The following TRAK2 variants were observed in gnomAD, a reference collection of about 807,000 sequenced individuals.
TRAK2 encodes trafficking kinesin-binding protein 2.
In TRAK2, 81 loss-of-function variants were observed where a neutral mutation model predicts 104.6. That is an observed-to-expected ratio of 0.77 (90% CI 0.65 to 0.93). The LOEUF (loss-of-function observed/expected upper bound fraction) is 0.93. Ranked by LOEUF, TRAK2 falls within the 40% of genes least tolerant of loss-of-function variation. TRAK2 has a pLI of 0.00. For missense variants in TRAK2, 1,002 were observed against 1,089.0 expected (o/e 0.92, Z 1.12); for synonymous variants, 406 against 394.4 (o/e 1.03, Z -0.35).
intron 2 of TRAK2, among the ~76,000 whole-genome samples, chr2:201,416,644 A>G (rs1207013197): frequency 2.6e-5 from 4 of 152,170 alleles, no homozygotes; most frequent in Non-Finnish European, 4.4e-5. Context: ...TGTATTATGT[A>G]TATAACATAT....
At chr2:201,391,621 TTAAC>T (rs1292603027) in intron 10 of TRAK2, among the ~76,000 whole-genome samples, 1 of 152,216 alleles carries the variant, frequency 6.6e-6, no homozygotes, top group Non-Finnish European at 1.5e-5. Context: ...GTTAATTTAA[TTAAC>T]TGTTAATTAC....
intron 10 of TRAK2, among the ~76,000 whole-genome samples, chr2:201,390,666 C>T (rs1951439224): frequency 1.3e-5 from 2 of 151,712 alleles, no homozygotes; most frequent in South Asian, 4.1e-4. Context: ...AGCAAGCTTC[C>T]TCTTCCCCCC....
At chr2:201,417,227 A>G (rs1355141094) in intron 2 of TRAK2, among the ~76,000 whole-genome samples, 7 of 148,128 alleles carry the variant, frequency 4.7e-5, no homozygotes, top group African/African-American at 1.7e-4. Context: ...TATCAAAATA[A>G]AGCGAAGACA....
chr2:201,397,847 T>C, intron 6 of TRAK2: 1 of 555,076 alleles, frequency 1.8e-6, no homozygotes, highest in Admixed American at 3.2e-5. Flanking sequence ...TTGTAACTAC[T>C]TAGTTACTTG....
rs180902841 is a variant in TRAK2 at position 201,407,522 on chromosome 2, A to C, written c.167T>G (p.Leu56Arg). Reference sequence around the variant, plus strand: ...ATATAGAAAGAGAGTGTCTACTTTTAGCCTATACTGTGGTAGTTGTTCTTC... The same window carrying C: ...ATATAGAAAGAGAGTGTCTACTTTTCGCCTATACTGTGGTAGTTGTTCTTC... Reference protein sequence around the residue: ...LLEEQLPQYRLKVDTLFLYEN... With the variant: ...LLEEQLPQYRRKVDTLFLYEN... The change falls in exon 3 of 16, where the codon CTA becomes CGA. Residue 56 changes from leucine to arginine, a missense_variant. Physicochemically the swap from Leu to Arg is moderately radical, Grantham distance 102. Transcript: ENST00000332624. 2.0e-5 allele frequency: 32 copies of C among 1,614,172 alleles called. No individual in the cohort carries two copies. The Admixed American group carries it at 4.0e-4, about 20-fold the overall frequency.
intron 10 of TRAK2, among the ~76,000 whole-genome samples, chr2:201,390,833 A>C (rs1348570207): frequency 6.6e-6 from 1 of 150,830 alleles, no homozygotes; most frequent in Non-Finnish European, 1.5e-5. Flanking sequence ...TTAAAAAAAA[A>C]GCAAGCTTCC....
intron 12 of TRAK2, among the ~76,000 whole-genome samples, chr2:201,389,072 A>G (rs999284689): frequency 6.6e-6 from 1 of 152,236 alleles, no homozygotes; most frequent in African/African-American, 2.4e-5. Flanking sequence ...ACGGATTATG[A>G]GAAGGTGTCA....
chr2:201,418,004 A>G (rs1307739919), intron 2 of TRAK2, among the ~76,000 whole-genome samples: 1 of 152,248 alleles, frequency 6.6e-6, no homozygotes, highest in Non-Finnish European at 1.5e-5. Context: ...TGCAAGACTT[A>G]TACAATAAAA....
chr2:201,414,235 C>T (rs2125652177), intron 2 of TRAK2, among the ~76,000 whole-genome samples: 1 of 152,260 alleles, frequency 6.6e-6, no homozygotes, highest in Admixed American at 6.5e-5. Context: ...TTCCTGTTCC[C>T]AGTACTGCCC....
chr2:201,397,781 C>T, intron 6 of TRAK2: 2 of 560,830 alleles, frequency 3.6e-6, no homozygotes, highest in Non-Finnish European at 3.2e-6. Context: ...TCCTTGATGC[C>T]CATACTATAC....
chr2:201,442,990 C>G (rs1951937646), intron 1 of TRAK2, among the ~76,000 whole-genome samples: 1 of 152,200 alleles, frequency 6.6e-6, no homozygotes, highest in Non-Finnish European at 1.5e-5. Flanking sequence ...CCTGCCTTCT[C>G]TAAACCTTGC....
intron 12 of TRAK2, 160 bp from the exon 13 acceptor site, chr2:201,388,161 CCAA>C (rs1951409992): frequency 2.8e-6 from 2 of 726,118 alleles, no homozygotes; most frequent in African/African-American, 1.7e-5. Context: ...ACCAAAATCA[CCAA>C]CAACACTATA....
intron 1 of TRAK2, among the ~76,000 whole-genome samples, chr2:201,429,134 C>T (rs1951818822): frequency 1.3e-5 from 2 of 152,220 alleles, no homozygotes; most frequent in Admixed American, 1.3e-4. Flanking sequence ...TTGACTTCTT[C>T]TTTTCCTAAT....
intron 1 of TRAK2, among the ~76,000 whole-genome samples, chr2:201,426,513 C>T (rs1287346060): frequency 1.3e-5 from 2 of 152,212 alleles, no homozygotes; most frequent in African/African-American, 2.4e-5. Flanking sequence ...CCCTCCTCAT[C>T]TCCACTGGTC....
rs541336385 is a variant in TRAK2, at chr2:201,389,462, T to C, written c.1235A>G (p.Asn412Ser). 47 of 1,614,124 alleles carry C rather than the reference T, an allele frequency of 2.9e-5. No homozygotes were observed. Among genetic ancestry groups the C allele is most frequent in the Admixed American group, 1.3e-4 (8 of 60,022 alleles). The change falls in exon 12 of 16, where the codon AAT becomes AGT. Residue 412 changes from asparagine (N) to serine (S), a missense_variant. Asn to Ser is a conservative substitution (Grantham distance 46). Transcript: ENST00000332624. ...KRVFDTVRIA[N>S]DTRGRSISFP... is the part of the protein sequence containing the mutation. ...TGAGATAGAGCGGCCCCGTGTGTCA[T>C]TGGCAATCCTGACGGTATCAAATAC...
intron 1 of TRAK2, among the ~76,000 whole-genome samples, chr2:201,441,935 A>G (rs1576540088): frequency 6.7e-6 from 1 of 149,276 alleles, no homozygotes; most frequent in East Asian, 2.0e-4. Context: ...CTCGTGATCC[A>G]CCCACCTGGG....
At chr2:201,412,080 G>A (rs972066849) in intron 2 of TRAK2, 3 of 1,121,898 alleles carry the variant, frequency 2.7e-6, no homozygotes, top group Non-Finnish European at 2.7e-6. Flanking sequence ...TTAAACACAG[G>A]GCCAAGTTCA....
At chr2:201,418,037 A>C (rs978580774) in intron 2 of TRAK2, among the ~76,000 whole-genome samples, 17 of 152,234 alleles carry the variant, frequency 1.1e-4, no homozygotes, top group African/African-American at 3.9e-4. Context: ...TGGTAAGAGA[A>C]ATTAAAGAGG....
intron 1 of TRAK2, among the ~76,000 whole-genome samples, chr2:201,441,013 T>G (rs1951916353): frequency 6.6e-6 from 1 of 152,216 alleles, no homozygotes. Flanking sequence ...AATACGTGCC[T>G]ACTACCTAGA....
Sources: allele counts gnomAD v4.1 joint callset (sites outside exome capture counted in the v4.1 genomes callset), GRCh38; gene constraint gnomAD v4.1.1; transcripts MANE v1.5; gene names NCBI Gene and HGNC (gene_info 2026-07-23, HGNC 2026-07-21).